The following SHOX variants were observed in gnomAD, a reference collection of about 807,000 sequenced individuals.
The protein encoded by SHOX is short stature homeobox protein.
A neutral mutation model predicts 29.6 loss-of-function variants in SHOX; 12 were observed. That is an observed-to-expected ratio of 0.41 (90% confidence interval 0.26 to 0.66). The LOEUF (loss-of-function observed/expected upper bound fraction) is 0.66, where lower values mean the gene tolerates loss of function less well. Ranked by LOEUF, SHOX falls within the 30% of genes least tolerant of loss-of-function variation. SHOX has a pLI of 0.35. For synonymous variants in SHOX, 214 were observed against 200.6 expected (o/e 1.07, Z -0.57); for missense variants, 499 against 437.7 (o/e 1.14, Z -1.25).
intron 4 of SHOX, 150 bp from the exon 5 acceptor site, chrX:644,241 A>G (rs2052921653): frequency 1.9e-6 from 2 of 1,035,772 alleles, no homozygotes; most frequent in Non-Finnish European, 2.6e-6. Context: ...GGAAGGAGGA[A>G]AGGCGGGTGT....
chrX:628,048 C>T (rs1170255106), upstream of SHOX, among the ~76,000 whole-genome samples: 1 of 152,084 alleles, frequency 6.6e-6, no homozygotes, highest in African/African-American at 2.4e-5. Context: ...ATCTCCCTCT[C>T]TGTCTGTCTC....
At chrX:634,346 A>G (rs2052703293) in intron 1 of SHOX, among the ~76,000 whole-genome samples, 1 of 152,208 alleles carries the variant, frequency 6.6e-6, no homozygotes, top group African/African-American at 2.4e-5. Flanking sequence ...AATAAGAAAA[A>G]AAGGTTAGGT....
At chrX:653,233 G>A (rs770582043), downstream of SHOX, among the ~76,000 whole-genome samples, 5 of 152,058 alleles carry the variant, frequency 3.3e-5, no homozygotes, top group East Asian at 3.9e-4. Context: ...AGAGCCAGAC[G>A]CTGTCTCAAA....
chrX:655,602 CTCTCTCTCTCTCTATATATATATATATA>C (rs1414297555), downstream of SHOX, among the ~76,000 whole-genome samples: 934 of 43,122 alleles, frequency 0.022, 3 homozygotes, highest in Non-Finnish European at 0.026. Context: ...CTCTCTCTCT[CTCTCTCTCTCTCTATATATATATATATA>C]TATATATATA....
intron 2 of SHOX, 103 bp downstream of exon 2, chrX:634,929 C>G: frequency 8.0e-7 from 1 of 1,257,492 alleles, no homozygotes; most frequent in Admixed American, 2.5e-5. Flanking sequence ...CCGCCGTCCC[C>G]TTCCCGGAGC....
In SHOX at chrX:649,935, T is replaced by G. The variant is rs28433655; in HGVS notation, c.*5299T>G. ...TCTCTCTCTTTTCTCTCTCTCTGAC[T>G]GCGAAGCACCCACAGGGAGAAGGAA... On this transcript the variant is annotated 3_prime_UTR_variant, in exon 5 of 5. Coordinates refer to ENST00000686671, the MANE Select transcript of SHOX (RefSeq NM_000451.4). 0.11 allele frequency: 50,316 copies of G among 455,916 alleles called. 3,107 individuals carry two copies. The highest frequency in any genetic ancestry group is 0.15 in the African/African-American group (7,387 of 50,168). The allele number at this position is 455,916 out of a possible 1,614,324, so 28.2% of individuals were successfully genotyped here. A position where few individuals can be genotyped will look rare whatever the true frequency, so the allele number is the denominator to read the frequency against.
chrX:633,241 C>G (rs2052680445), intron 1 of SHOX, among the ~76,000 whole-genome samples: 1 of 152,132 alleles, frequency 6.6e-6, no homozygotes, highest in African/African-American at 2.4e-5. Context: ...AGCCTGGGAG[C>G]CCGTGGGTTC....
downstream of SHOX, among the ~76,000 whole-genome samples, chrX:653,222 C>CA (rs2049009723): frequency 6.6e-6 from 1 of 152,134 alleles, no homozygotes; most frequent in Admixed American, 6.5e-5. Context: ...GCCTGGGCGA[C>CA]AGAGCCAGAC....
At chrX:632,235 C>T (rs2052663976) in intron 1 of SHOX, among the ~76,000 whole-genome samples, 1 of 152,046 alleles carries the variant, frequency 6.6e-6, no homozygotes, top group Admixed American at 6.5e-5. Flanking sequence ...TTGTGCGCGG[C>T]CCGGGGGAGC....
rs1339642233 is a variant in SHOX at position 647,221 on chromosome X, C to A, written c.*2585C>A. Among the ~76,000 whole-genome samples, 1 of 151,870 alleles carries A rather than the reference C, an allele frequency of 6.6e-6. No homozygotes were observed. Among genetic ancestry groups the A allele is most frequent in the Non-Finnish European group, 1.5e-5 (1 of 67,998 alleles). The stretch of plus-strand genomic sequence containing the variant: ...CCTCCCGAGTAGCTGGGATTACAGG[C>A]ACCTGCCACCAGGCCTGGGTAACTT... On this transcript the variant is annotated 3_prime_UTR_variant, in exon 5 of 5. Transcript: ENST00000686671.
At chrX:630,789 G>A (rs1379481464), upstream of SHOX, 1 of 1,327,492 alleles carries the variant, frequency 7.5e-7, no homozygotes, top group Non-Finnish European at 1.1e-6. Flanking sequence ...CAATGGAAAG[G>A]CGTAAATAAC....
At chrX:640,787 G>A in intron 2 of SHOX, 34 bp from the exon 3 acceptor site, 1 of 1,613,400 alleles carries the variant, frequency 6.2e-7, no homozygotes, top group Non-Finnish European at 8.5e-7. Context: ...TGGGTTCACA[G>A]GGCTCTTCAC....
intron 4 of SHOX, among the ~76,000 whole-genome samples, chrX:642,735 T>A (rs970724113): frequency 3.3e-4 from 50 of 151,822 alleles, no homozygotes; most frequent in Non-Finnish European, 2.5e-4. Flanking sequence ...CTTGGGGACC[T>A]GGTATCCCCG....
chrX:631,236 C>A (rs1487858822), intron 1 of SHOX, 62 bp downstream of exon 1: 2 of 1,584,768 alleles, frequency 1.3e-6, no homozygotes, highest in Admixed American at 1.7e-5. Context: ...CTCCTCGCCA[C>A]GGAGTCGGCC....
At position 651,253 on chromosome X, in the gene SHOX, C is replaced by T. The variant is rs1323393525; in HGVS notation, c.*6617C>T. 1 of 454,356 alleles carries T rather than the reference C, an allele frequency of 2.2e-6. No individual in the cohort carries two copies. Among genetic ancestry groups the T allele is most frequent in the Non-Finnish European group, 4.4e-6 (1 of 225,998 alleles). 28.1% of individuals were successfully genotyped at this position (454,356 alleles called of 1,614,324 possible). A position where few individuals can be genotyped will look rare whatever the true frequency, so the allele number is the denominator to read the frequency against. ...TCCCCCATTGACGACATAGCGGCCC[C>T]CGCGTCCGGGTTACAAATACATCTA... On this transcript the variant is annotated 3_prime_UTR_variant, in exon 5 of 5. Coordinates refer to ENST00000686671, the MANE Select transcript of SHOX (RefSeq NM_000451.4).
chrX:630,605 T>C (rs2052629791), upstream of SHOX: 3 of 562,400 alleles, frequency 5.3e-6, no homozygotes, highest in Non-Finnish European at 9.6e-6. Flanking sequence ...CACCAAGGTG[T>C]ACGGACGCCA....
intron 4 of SHOX, among the ~76,000 whole-genome samples, chrX:641,759 G>A (rs1415545412): frequency 6.6e-6 from 1 of 151,402 alleles, no homozygotes; most frequent in East Asian, 1.9e-4. Flanking sequence ...AGCCCAAACA[G>A]AAATCTGACA....
intron 2 of SHOX, among the ~76,000 whole-genome samples, chrX:636,341 T>TATATAAATAAAC (rs1556463149): frequency 1.5e-5 from 2 of 132,296 alleles, no homozygotes; most frequent in African/African-American, 2.9e-5. Flanking sequence ...CATATAAACA[T>TATATAAATAAAC]ATATAAATAT....
Position 641,029 on chromosome X carries a change from A to T in SHOX, c.575A>T (p.Asp192Val). The change falls in exon 4 of 5, where the codon GAC (aspartate) becomes GTC (valine). Residue 192 changes from aspartate (D) to valine (V), a missense_variant. Coordinates refer to ENST00000686671, the MANE Select transcript of SHOX (RefSeq NM_000451.4). ...GVILGTANHL[D>V]ACRVAPYVNM... is the part of the protein sequence containing the mutation. ...ATCTTGGGCACAGCCAACCACCTAG[A>T]CGCCTGCCGAGTGGCACCCTACGTC... 5 of 1,613,796 alleles carry T rather than the reference A, an allele frequency of 3.1e-6. No individual in the cohort carries two copies. The highest frequency in any genetic ancestry group is 4.2e-6 in the Non-Finnish European group (5 of 1,179,826).
Sources: allele counts gnomAD v4.1 joint callset (sites outside exome capture counted in the v4.1 genomes callset), GRCh38; gene constraint gnomAD v4.1.1; transcripts MANE v1.5; gene names NCBI Gene and HGNC (gene_info 2026-07-23, HGNC 2026-07-21).